The following CCNDBP1 variants were observed in gnomAD, a reference collection of about 807,000 sequenced individuals.
CCNDBP1 encodes the protein cyclin-D1-binding protein 1.
Under a neutral mutation model 46.2 loss-of-function variants are expected in CCNDBP1, and 45 were observed. The observed-to-expected ratio is 0.97, with a 90% confidence interval of 0.77 to 1.25. CCNDBP1 has a LOEUF of 1.25. CCNDBP1 is among the 50% of genes most tolerant of loss of function. The probability of loss-of-function intolerance (pLI) is 0.00; values close to 1 mark genes in which losing one functional copy is unlikely to be tolerated. For synonymous variants in CCNDBP1, 154 were observed against 163.6 expected (o/e 0.94, Z 0.45); for missense variants, 436 against 442.1 (o/e 0.99, Z 0.12).
rs1307496496 is a variant in CCNDBP1 at position 43,190,335 on chromosome 15, A to G, written c.439A>G (p.Asn147Asp). 3 of 1,614,154 alleles carry G rather than the reference A, an allele frequency of 1.9e-6. No homozygotes were observed. The highest frequency in any genetic ancestry group is 2.5e-6 in the Non-Finnish European group (3 of 1,180,020). The stretch of plus-strand genomic sequence containing the variant: ...GATTTCTTTCCCCAGCCCTGAGAAC[A>G]ATGACCTTATTTCCTACAACAGTGT... ...SVTPTQSPEN[N>D]DLISYNSVWV... is the part of the protein sequence containing the mutation. The change falls in exon 6 of 11, where the codon AAT becomes GAT. Residue 147 changes from asparagine (N) to aspartate (D), a missense_variant. Transcript: ENST00000300213.
Position 43,185,432 on chromosome 15 carries a change from C to G in CCNDBP1, c.-67C>G. On this transcript the variant is annotated 5_prime_UTR_variant, in exon 1 of 11. Transcript: ENST00000300213. Reference sequence around the variant, plus strand: ...ACGCTGTGGCCCGGAAGTGGAGCGGCTGTCGCAGTGCGGCTCCGGCAGTGG... The same window carrying G: ...ACGCTGTGGCCCGGAAGTGGAGCGGGTGTCGCAGTGCGGCTCCGGCAGTGG... The G allele has an allele frequency of 8.1e-7, 1 of 1,232,242 alleles. No individual in the cohort carries two copies. The highest frequency in any genetic ancestry group is 1.2e-6 in the Non-Finnish European group (1 of 868,360). The allele number at this position is 1,232,242 out of a possible 1,614,324, so 76.3% of individuals were successfully genotyped here. A position where few individuals can be genotyped will look rare whatever the true frequency, so the allele number is the denominator to read the frequency against.
At chr15:43,189,988 A>C in intron 4 of CCNDBP1, 67 bp from the exon 5 acceptor site, 1 of 1,347,078 alleles carries the variant, frequency 7.4e-7, no homozygotes. Context: ...TAATGCTTAG[A>C]CTCAGGAAAG....
Position 43,197,128 on chromosome 15 carries a change from G to A in CCNDBP1, c.*2287G>A. 2 of 855,658 alleles carry A rather than the reference G, an allele frequency of 2.3e-6. No homozygotes were observed. Among genetic ancestry groups the A allele is most frequent in the Non-Finnish European group, 3.7e-6 (2 of 544,896 alleles). The allele number at this position is 855,658 out of a possible 1,614,324, so 53.0% of individuals were successfully genotyped here. On this transcript the variant is annotated 3_prime_UTR_variant, in exon 11 of 11. Coordinates refer to ENST00000300213, the MANE Select transcript of CCNDBP1 (RefSeq NM_012142.5). ...CAGCCTGAAGCCCTCACTGTTTCTT[G>A]TACAGCCTGCAGAGCCGTGAGCCAA...
At chr15:43,187,346 T>A (rs2041869963) in intron 3 of CCNDBP1, among the ~76,000 whole-genome samples, 2 of 151,870 alleles carry the variant, frequency 1.3e-5, no homozygotes, top group Non-Finnish European at 2.9e-5. Context: ...CTGGGCTCAC[T>A]GCATCCTCTG....
intron 9 of CCNDBP1, among the ~76,000 whole-genome samples, chr15:43,193,859 C>G (rs2142240622): frequency 6.6e-6 from 1 of 152,120 alleles, no homozygotes; most frequent in Non-Finnish European, 1.5e-5. Context: ...TTGGCATTAA[C>G]TTTTAAAAAA....
Position 43,186,213 on chromosome 15 carries a change from C to A in CCNDBP1, c.229C>A (p.Leu77Ile). 2 of 1,614,080 alleles carry A rather than the reference C, an allele frequency of 1.2e-6. No homozygotes were observed. The highest frequency in any genetic ancestry group is 1.7e-6 in the Non-Finnish European group (2 of 1,179,920). Residue 77 changes from leucine to isoleucine, a missense_variant, in exon 3 of 11, where the codon CTT becomes ATT. Physicochemically the swap from Leu to Ile is conservative, Grantham distance 5. Coordinates refer to ENST00000300213, the MANE Select transcript of CCNDBP1 (RefSeq NM_012142.5). ...GACTCTGACCATAGTCTTCTCTCAG[C>A]TTCCACTGCCGTCTCCACAGGTGGG... ...ATTLTIVFSQ[L>I]PLPSPQETQK...
rs1207899889 is a variant in CCNDBP1 at position 43,194,930 on chromosome 15, T to G, written c.*89T>G. 2 of 823,652 alleles carry G rather than the reference T, an allele frequency of 2.4e-6. No individual in the cohort carries two copies. 51.0% of individuals were successfully genotyped at this position (823,652 alleles called of 1,614,324 possible). On this transcript the variant is annotated 3_prime_UTR_variant, in exon 11 of 11. Coordinates refer to ENST00000300213, the MANE Select transcript of CCNDBP1 (RefSeq NM_012142.5). ...TTTAAAATGGAGCTAGAATGCTTGCTGGATTGAAAGGGAGTGCCTATCTAT... is the reference window on the plus strand; with the variant it reads ...TTTAAAATGGAGCTAGAATGCTTGCGGGATTGAAAGGGAGTGCCTATCTAT...
chr15:43,191,048 G>C lies in CCNDBP1; in HGVS notation c.579+6G>C. On this transcript the variant is annotated splice_donor_region_variant and intron_variant, in intron 7 of 10. Coordinates refer to ENST00000300213, the MANE Select transcript of CCNDBP1 (RefSeq NM_012142.5). ...CACATGAAGAAATGGAGCAGGTGAG[G>C]GGACCTCCATCATTGGAAGGCAACT... 6.2e-7 allele frequency: 1 copy of C among 1,609,258 alleles called. No homozygotes were observed. Among genetic ancestry groups the C allele is most frequent in the Non-Finnish European group, 8.5e-7 (1 of 1,175,574 alleles).
intron 3 of CCNDBP1, among the ~76,000 whole-genome samples, chr15:43,186,749 C>A (rs1161072329): frequency 6.6e-6 from 1 of 152,170 alleles, no homozygotes; most frequent in African/African-American, 2.4e-5. Context: ...TACCTTTCCA[C>A]CCACTTTCTC....
At chr15:43,191,342 CCTTTTTT>C in intron 7 of CCNDBP1, 46 bp from the exon 8 acceptor site, 3 of 1,109,182 alleles carry the variant, frequency 2.7e-6, no homozygotes, top group African/African-American at 2.0e-5. Flanking sequence ...ATAGGCCTCG[CCTTTTTT>C]TTTTTTTTTT....
In CCNDBP1 at chr15:43,186,119, T is replaced by A. The variant is rs754632237; in HGVS notation, c.170-35T>A. The stretch of plus-strand genomic sequence containing the variant: ...CTTCCAAGTCCGTGCAGCACTAACG[T>A]ATTGGCACCTGCCTCCTCTTCGGCC... On this transcript the variant is annotated intron_variant, in intron 2 of 10. Transcript: ENST00000300213. 16 of 1,581,268 alleles carry A rather than the reference T, an allele frequency of 1.0e-5. No individual in the cohort carries two copies. The African/African-American group carries it at 1.8e-4, about 17-fold the overall frequency.
chr15:43,192,145 C>G (rs2041963487), intron 8 of CCNDBP1, among the ~76,000 whole-genome samples: 1 of 152,176 alleles, frequency 6.6e-6, no homozygotes, highest in Non-Finnish European at 1.5e-5. Flanking sequence ...TCTCTTTAGT[C>G]TCTTGAAATC....
At chr15:43,191,069 C>T in intron 7 of CCNDBP1, 27 bp downstream of exon 7, 1 of 1,526,456 alleles carries the variant, frequency 6.6e-7, no homozygotes, top group South Asian at 1.1e-5. Context: ...CATTGGAAGG[C>T]AACTCCTTGA....
chr15:43,194,693 A>C, intron 10 of CCNDBP1, 34 bp from the exon 11 acceptor site: 1 of 1,482,718 alleles, frequency 6.7e-7, no homozygotes, highest in Non-Finnish European at 9.4e-7. Flanking sequence ...CATCCTAATA[A>C]GTTTAACTTA....
chr15:43,185,905 C>T, intron 2 of CCNDBP1, 26 bp downstream of exon 2: 1 of 1,601,232 alleles, frequency 6.2e-7, no homozygotes, highest in Non-Finnish European at 8.5e-7. Context: ...TCCGGGCTCC[C>T]CTTGCCTCAG....
chr15:43,190,542 G>C, intron 6 of CCNDBP1, 144 bp downstream of exon 6: 2 of 620,948 alleles, frequency 3.2e-6, no homozygotes, highest in Non-Finnish European at 5.5e-6. Flanking sequence ...TTAATAGGTA[G>C]GTATTAATAC....
At chr15:43,191,174 T>G (rs2041943721) in intron 7 of CCNDBP1, 132 bp downstream of exon 7, 2 of 820,758 alleles carry the variant, frequency 2.4e-6, no homozygotes, top group Admixed American at 2.3e-5. Flanking sequence ...CATCTCCCAC[T>G]GCTTGTTAGT....
intron 8 of CCNDBP1, among the ~76,000 whole-genome samples, chr15:43,192,278 G>A (rs2041966260): frequency 6.6e-6 from 1 of 152,128 alleles, no homozygotes; most frequent in Non-Finnish European, 1.5e-5. Context: ...ATTTTTGCAA[G>A]AATATCATAT....
In CCNDBP1 at chr15:43,190,164, C is replaced by G; in HGVS notation, c.428+13C>G. 1 of 1,611,732 alleles carries G rather than the reference C, an allele frequency of 6.2e-7. No homozygotes were observed. Among genetic ancestry groups the G allele is most frequent in the Non-Finnish European group, 8.5e-7 (1 of 1,177,980 alleles). ...CTCCAACTCAGAGGTAGTGATGCCA[C>G]AGTTTAGGTTACCAGTTATTGGGGT... On this transcript the variant is annotated intron_variant, in intron 5 of 10. Transcript: ENST00000300213.
Sources: allele counts gnomAD v4.1 joint callset (sites outside exome capture counted in the v4.1 genomes callset), GRCh38; gene constraint gnomAD v4.1.1; transcripts MANE v1.5; gene names NCBI Gene and HGNC (gene_info 2026-07-23, HGNC 2026-07-21).